Variants in PTK2B observed in about 807,000 individuals in gnomAD.
The protein encoded by PTK2B is protein-tyrosine kinase 2-beta.
In PTK2B, 71 loss-of-function variants were observed where a neutral mutation model predicts 142.9. That is an observed-to-expected ratio of 0.50 (90% CI 0.41 to 0.61). The LOEUF is 0.61. Among genes scored for constraint, PTK2B ranks in the 20% least tolerant of loss-of-function variants. PTK2B has a pLI of 0.00. For missense variants in PTK2B, 1,105 were observed against 1,320.4 expected (o/e 0.84, Z 2.53); for synonymous variants, 519 against 503.4 (o/e 1.03, Z -0.42).
intron 5 of PTK2B, among the ~76,000 whole-genome samples, chr8:27,423,673 C>T (rs578240485): frequency 7.9e-5 from 12 of 152,260 alleles, no homozygotes; most frequent in East Asian, 5.8e-4. Flanking sequence ...GCTGCTTCTA[C>T]GGAGCCAGCT....
At position 27,350,988 on chromosome 8, in the gene PTK2B, AAAATATATATATATAT is replaced by A. The variant is rs1376896917; in HGVS notation, c.-38+25309_-38+25324del. 3.1e-4 allele frequency among the ~76,000 whole-genome samples: 5 copies of A among 16,224 alleles called. 2 individuals carry two copies. The highest frequency in any genetic ancestry group is 1.3e-3 in the Admixed American group (2 of 1,600). 10.6% of individuals were successfully genotyped at this position (16,224 alleles called of 152,430 possible). A position where few individuals can be genotyped will look rare whatever the true frequency, so the allele number is the denominator to read the frequency against. On this transcript the variant is annotated intron_variant, in intron 1 of 30. Coordinates refer to ENST00000346049, the MANE Select transcript of PTK2B (RefSeq NM_173176.3). ...AAGTCTCCGTCTCAAAAAAAAAAAA[AAAATATATATATATAT>A]ATATATATATATATATATATATATA...
intron 1 of PTK2B, among the ~76,000 whole-genome samples, chr8:27,360,937 C>A (rs1464465004): frequency 6.6e-6 from 1 of 151,998 alleles, no homozygotes; most frequent in African/African-American, 2.4e-5. Flanking sequence ...TGTCTGGGTC[C>A]CAGGAAAGAA....
chr8:27,434,367 C>T, intron 12 of PTK2B, 146 bp from the exon 13 acceptor site: 1 of 1,053,410 alleles, frequency 9.5e-7, no homozygotes, highest in Non-Finnish European at 1.4e-6. Flanking sequence ...CAGCCCCCAG[C>T]AGCCTGGGCT....
chr8:27,364,053 A>C (rs908948418), intron 1 of PTK2B, among the ~76,000 whole-genome samples: 1 of 152,218 alleles, frequency 6.6e-6, no homozygotes, highest in African/African-American at 2.4e-5. Flanking sequence ...CCTGGCAAGG[A>C]GTCCTCACAA....
rs552825870 is a variant in PTK2B, at chr8:27,376,353, G to A, written c.-37-21195G>A. Among the ~76,000 whole-genome samples the A allele has an allele frequency of 1.1e-3, 164 of 152,346 alleles. 2 individuals are homozygous for A. The Middle Eastern group carries it at 0.041, about 38-fold the overall frequency. On this transcript the variant is annotated intron_variant, in intron 1 of 30. Coordinates refer to ENST00000346049, the MANE Select transcript of PTK2B (RefSeq NM_173176.3). ...GCAGATCTTGTCCAAATTGATTCCT[G>A]TGGGCTTCTTGAGGTTGGGACTAAA...
At chr8:27,440,595 G>A (rs1811099805) in intron 21 of PTK2B, among the ~76,000 whole-genome samples, 154 bp downstream of exon 21, 2 of 152,228 alleles carry the variant, frequency 1.3e-5, no homozygotes, top group African/African-American at 4.8e-5. Flanking sequence ...TCAGATATGA[G>A]CTCAGAGATA....
intron 1 of PTK2B, among the ~76,000 whole-genome samples, chr8:27,365,307 C>T (rs879718691): frequency 6.6e-6 from 1 of 152,232 alleles, no homozygotes; most frequent in African/African-American, 2.4e-5. Context: ...CGTCTGCCAA[C>T]CTGGTGGGTA....
intron 1 of PTK2B, among the ~76,000 whole-genome samples, chr8:27,384,662 A>G (rs1807230807): frequency 6.6e-6 from 1 of 152,228 alleles, no homozygotes; most frequent in East Asian, 1.9e-4. Context: ...GCTCAAATAT[A>G]TACAATTTCA....
intron 2 of PTK2B, among the ~76,000 whole-genome samples, chr8:27,419,323 C>T (rs1279217387): frequency 6.6e-6 from 1 of 152,254 alleles, no homozygotes; most frequent in Non-Finnish European, 1.5e-5. Context: ...AGCCCCACCA[C>T]TCCATGAATC....
At chr8:27,455,857 G>A (rs1812110424) in intron 30 of PTK2B, among the ~76,000 whole-genome samples, 1 of 152,256 alleles carries the variant, frequency 6.6e-6, no homozygotes, top group Admixed American at 6.5e-5. Context: ...GCCATGGGAC[G>A]TTTGTTGGTT....
At chr8:27,455,630 C>T (rs1812099557) in intron 30 of PTK2B, among the ~76,000 whole-genome samples, 2 of 152,186 alleles carry the variant, frequency 1.3e-5, no homozygotes, top group South Asian at 2.1e-4. Flanking sequence ...TGAAGGAGGC[C>T]GCAGGCCAAG....
chr8:27,361,817 G>A (rs1463340532), intron 1 of PTK2B, among the ~76,000 whole-genome samples: 1 of 152,132 alleles, frequency 6.6e-6, no homozygotes, highest in African/African-American at 2.4e-5. Flanking sequence ...ACTAGGCTGT[G>A]AAGTCTATCC....
Position 27,432,376 on chromosome 8 carries a change from G to T in PTK2B, c.987+15G>T. The stretch of plus-strand genomic sequence containing the variant: ...GTGCCCCCCAGGTGAGTGTCTCTGG[G>T]CACTGGGCACCTGGCAGCTCTGCAG... On this transcript the variant is annotated intron_variant, in intron 10 of 30. Transcript: ENST00000346049. 2 of 1,610,794 alleles carry T rather than the reference G, an allele frequency of 1.2e-6. No homozygotes were observed. Among genetic ancestry groups the T allele is most frequent in the Non-Finnish European group, 1.7e-6 (2 of 1,178,028 alleles).
intron 2 of PTK2B, among the ~76,000 whole-genome samples, chr8:27,410,890 G>T (rs1467120366): frequency 6.6e-6 from 1 of 152,190 alleles, no homozygotes; most frequent in Non-Finnish European, 1.5e-5. Flanking sequence ...ATCAGTGTTA[G>T]CCAAGCAGGA....
At chr8:27,411,813 T>C (rs1315889552) in intron 2 of PTK2B, among the ~76,000 whole-genome samples, 2 of 152,110 alleles carry the variant, frequency 1.3e-5, no homozygotes, top group Non-Finnish European at 2.9e-5. Flanking sequence ...TCCACAAGAC[T>C]CCCTCCCCTT....
At chr8:27,386,645 A>G (rs1235588563) in intron 1 of PTK2B, among the ~76,000 whole-genome samples, 1 of 152,198 alleles carries the variant, frequency 6.6e-6, no homozygotes, top group Admixed American at 6.5e-5. Flanking sequence ...TAAAATGAAA[A>G]CTAAATACAT....
chr8:27,315,940 G>A (rs12677738), intron 3 of PTK2B, among the ~76,000 whole-genome samples: 2 of 151,876 alleles, frequency 1.3e-5, no homozygotes, highest in African/African-American at 4.8e-5. Context: ...TGCATATGGT[G>A]GGGGGGTGGG....
intron 1 of PTK2B, among the ~76,000 whole-genome samples, chr8:27,328,045 T>G (rs1803524581): frequency 1.3e-5 from 2 of 152,224 alleles, no homozygotes; most frequent in South Asian, 4.1e-4. Flanking sequence ...CAGTGAGAAC[T>G]CGTGGGGTTA....
At chr8:27,365,527 G>A (rs1377621463) in intron 1 of PTK2B, among the ~76,000 whole-genome samples, 1 of 152,158 alleles carries the variant, frequency 6.6e-6, no homozygotes, top group Non-Finnish European at 1.5e-5. Context: ...ACAGTGTGGT[G>A]TACTGGTAAA....
Sources: gnomAD v4.1 joint callset for allele counts (sites outside exome capture counted in the v4.1 genomes callset) on GRCh38, gnomAD v4.1.1 for gene constraint, MANE v1.5 for transcripts, NCBI Gene and HGNC (gene_info 2026-07-23, HGNC 2026-07-21) for gene names.